CAMK1D: variants seen among roughly 807,000 people sequenced by gnomAD.
The protein encoded by CAMK1D is calcium/calmodulin dependent protein kinase ID, also known as calcium/calmodulin-dependent protein kinase type 1D.
Under a neutral mutation model 47.7 loss-of-function variants are expected in CAMK1D, and 9 were observed. That is an observed-to-expected ratio of 0.19 (90% CI 0.11 to 0.33). CAMK1D has a LOEUF of 0.33. Ranked by LOEUF, CAMK1D falls within the 10% of genes least tolerant of loss-of-function variation. The pLI, the probability that CAMK1D is intolerant of heterozygous loss-of-function variation, is 1.00. For synonymous variants in CAMK1D, 184 were observed against 184.9 expected, an observed-to-expected ratio of 0.99 and a Z score of 0.04; for missense variants, 291 against 488.7, an observed-to-expected ratio of 0.60 and a Z score of 3.81.
At chr10:12,795,258 T>G (rs1025277986) in intron 6 of CAMK1D, among the ~76,000 whole-genome samples, 55 of 152,312 alleles carry the variant, frequency 3.6e-4, no homozygotes, top group African/African-American at 1.2e-3. Context: ...TGAGGGCTCA[T>G]GAAGCTATCC....
intron 2 of CAMK1D, among the ~76,000 whole-genome samples, chr10:12,589,951 C>G (rs970580487): frequency 2.0e-5 from 3 of 152,156 alleles, no homozygotes; most frequent in African/African-American, 7.2e-5. Flanking sequence ...TGCCAAACCT[C>G]AGAGCCAAGG....
chr10:12,462,065 G>A (rs1380953599), intron 1 of CAMK1D, among the ~76,000 whole-genome samples: 1 of 150,318 alleles, frequency 6.7e-6, no homozygotes, highest in African/African-American at 2.5e-5. Context: ...AAGAGTTTGT[G>A]TTCTGTCGAA....
At chr10:12,457,390 CAAAAA>C (rs60189486) in intron 1 of CAMK1D, among the ~76,000 whole-genome samples, 3 of 132,090 alleles carry the variant, frequency 2.3e-5, no homozygotes, top group African/African-American at 8.3e-5. Flanking sequence ...GACTCTGTCT[CAAAAA>C]AAAAAAAAGT....
chr10:12,603,696 C>T (rs550441056), intron 2 of CAMK1D, among the ~76,000 whole-genome samples: 1 of 152,130 alleles, frequency 6.6e-6, no homozygotes, highest in Non-Finnish European at 1.5e-5. Context: ...TTGACCCATT[C>T]CCCCAGTCAC....
At chr10:12,734,570 G>GTA (rs372727529) in intron 3 of CAMK1D, among the ~76,000 whole-genome samples, 3,605 of 143,792 alleles carry the variant, frequency 0.025, 169 homozygotes, top group African/African-American at 0.087. Context: ...ACACATATGT[G>GTA]TATATATATA....
At chr10:12,373,828 C>G (rs1179878184) in intron 1 of CAMK1D, among the ~76,000 whole-genome samples, 1 of 150,076 alleles carries the variant, frequency 6.7e-6, no homozygotes, top group African/African-American at 2.5e-5. Flanking sequence ...TAATCCCAGC[C>G]CTTTGGGAGG....
At chr10:12,753,229 A>G (rs571044770) in intron 3 of CAMK1D, among the ~76,000 whole-genome samples, 17 of 152,344 alleles carry the variant, frequency 1.1e-4, no homozygotes, top group East Asian at 1.9e-4. Context: ...ACCAAGTACA[A>G]TCTTCCTAAC....
chr10:12,783,837 G>T (rs1260871482), intron 5 of CAMK1D, among the ~76,000 whole-genome samples: 1 of 152,150 alleles, frequency 6.6e-6, no homozygotes, highest in Non-Finnish European at 1.5e-5. Flanking sequence ...TTTTCCATAA[G>T]TGGGCTGGTG....
chr10:12,494,741 G>A (rs1387177530), intron 1 of CAMK1D, among the ~76,000 whole-genome samples: 1 of 151,864 alleles, frequency 6.6e-6, no homozygotes, highest in South Asian at 2.1e-4. Context: ...ATTTTTTTTT[G>A]TATTTTTAGT....
intron 1 of CAMK1D, among the ~76,000 whole-genome samples, chr10:12,531,340 A>G (rs1013669456): frequency 3.3e-5 from 5 of 152,228 alleles, no homozygotes; most frequent in African/African-American, 1.2e-4. Flanking sequence ...GGCTTCCCAG[A>G]GTGCATTCAT....
At chr10:12,516,050 T>A (rs1048987263) in intron 1 of CAMK1D, among the ~76,000 whole-genome samples, 1 of 152,224 alleles carries the variant, frequency 6.6e-6, no homozygotes, top group Non-Finnish European at 1.5e-5. Flanking sequence ...TAAGCCATTG[T>A]ATGGTGGTGA....
At chr10:12,791,329 A>C (rs1837969878) in intron 6 of CAMK1D, 96 bp downstream of exon 6, 1 of 1,086,762 alleles carries the variant, frequency 9.2e-7, no homozygotes, top group Admixed American at 1.8e-5. Context: ...TTAAGGGTAC[A>C]GTTTAAGGGT....
intron 4 of CAMK1D, among the ~76,000 whole-genome samples, chr10:12,763,220 T>C (rs1441780485): frequency 1.3e-5 from 2 of 152,124 alleles, no homozygotes; most frequent in Non-Finnish European, 2.9e-5. Flanking sequence ...GTTTGATCTA[T>C]GAGGAGGAAG....
At chr10:12,699,109 G>A (rs1833412077) in intron 3 of CAMK1D, among the ~76,000 whole-genome samples, 1 of 152,132 alleles carries the variant, frequency 6.6e-6, no homozygotes, top group African/African-American at 2.4e-5. Context: ...ATGAGCAGGA[G>A]CCTTGTTATG....
At chr10:12,595,611 C>T (rs1360208883) in intron 2 of CAMK1D, among the ~76,000 whole-genome samples, 1 of 151,196 alleles carries the variant, frequency 6.6e-6, no homozygotes, top group East Asian at 1.9e-4. Context: ...CGTGCGTGCT[C>T]TGGGCCATGC....
chr10:12,825,386 GA>G (rs1243177571), intron 9 of CAMK1D, among the ~76,000 whole-genome samples, 186 bp from the exon 10 acceptor site: 1 of 152,064 alleles, frequency 6.6e-6, no homozygotes, highest in Non-Finnish European at 1.5e-5. Flanking sequence ...TTTAGTTGGG[GA>G]AAGGGGTTAA....
At chr10:12,564,613 T>C (rs886083010) in intron 2 of CAMK1D, among the ~76,000 whole-genome samples, 1 of 152,188 alleles carries the variant, frequency 6.6e-6, no homozygotes, top group African/African-American at 2.4e-5. Context: ...GGGGAATAAA[T>C]TTTTTCTAAA....
intron 3 of CAMK1D, among the ~76,000 whole-genome samples, chr10:12,693,303 C>T (rs369407768): frequency 3.3e-5 from 5 of 151,802 alleles, no homozygotes; most frequent in Admixed American, 1.3e-4. Flanking sequence ...AGGCAGAGGT[C>T]GCAGTGAGCT....
chr10:12,801,692 A>G (rs1390917309), intron 6 of CAMK1D, among the ~76,000 whole-genome samples: 1 of 152,112 alleles, frequency 6.6e-6, no homozygotes, highest in Non-Finnish European at 1.5e-5. Context: ...CATTATCATT[A>G]TCTGTCATCT....
Sources: allele counts gnomAD v4.1 joint callset (sites outside exome capture counted in the v4.1 genomes callset), GRCh38; gene constraint gnomAD v4.1.1; transcripts MANE v1.5; gene names NCBI Gene and HGNC (gene_info 2026-07-23, HGNC 2026-07-21).